The following FAM228B variants were observed in gnomAD, a reference collection of about 807,000 sequenced individuals.
FAM228B encodes the protein family with sequence similarity 228 member B.
FAM228B carries 38 observed loss-of-function variants against 42.6 expected under a neutral mutation model. That is an observed-to-expected ratio of 0.89 (90% CI 0.69 to 1.17). FAM228B has a LOEUF of 1.17. Ranked by LOEUF, FAM228B falls within the 50% of genes most tolerant of loss-of-function variation. The probability of loss-of-function intolerance (pLI) is 0.00; values close to 1 mark genes in which losing one functional copy is unlikely to be tolerated. For synonymous variants in FAM228B, 109 were observed against 122.3 expected, an observed-to-expected ratio of 0.89 and a Z score of 0.72; for missense variants, 344 against 367.3, an observed-to-expected ratio of 0.94 and a Z score of 0.52.
intron 4 of FAM228B, among the ~76,000 whole-genome samples, chr2:24,138,334 GTTATTA>G (rs1395256889): frequency 6.6e-6 from 1 of 151,904 alleles, no homozygotes; most frequent in African/African-American, 2.4e-5. Context: ...TCCCCATGTG[GTTATTA>G]TTATTATTAT....
intron 2 of FAM228B, among the ~76,000 whole-genome samples, chr2:24,088,144 C>G (rs903475848): frequency 4.0e-5 from 6 of 151,366 alleles, no homozygotes; most frequent in African/African-American, 1.5e-4. Flanking sequence ...TCCAAAAGTG[C>G]TGGGATTAGA....
In FAM228B at chr2:24,164,257, C is replaced by A. The variant is rs1213315866; in HGVS notation, c.854C>A (p.Pro285Gln). The part of the protein sequence containing the change: ...EPLCYQEGNN[P>Q]SAKEAISEGY... ...CTGTGCTATCAGGAGGGAAATAATC[C>A]AAGTGCCAAAGAGGCCATCTCTGAA... Residue 285 changes from proline to glutamine, a missense_variant, in exon 9 of 11, where the codon CCA (proline) becomes CAA (glutamine). Transcript: ENST00000615575. The A allele has an allele frequency of 1.3e-6, 2 of 1,551,312 alleles. No individual in the cohort carries two copies. Among genetic ancestry groups the A allele is most frequent in the East Asian group, 2.4e-5 (1 of 40,908 alleles).
rs938069115 is a variant in FAM228B at position 24,158,991 on chromosome 2, A to C, written c.687-2515A>C. Among the ~76,000 whole-genome samples, 14 of 152,248 alleles carry C rather than the reference A, an allele frequency of 9.2e-5. 1 individual carries two copies. The highest frequency in any genetic ancestry group is 8.5e-4 in the Admixed American group (13 of 15,298). ...TTCCTAGCTACTGATGGTTGAAGCA[A>C]TCCAGCAATCCTTGGTGTTCCTCGG... On this transcript the variant is annotated intron_variant, in intron 7 of 10. Transcript: ENST00000615575.
intron 7 of FAM228B, among the ~76,000 whole-genome samples, chr2:24,151,992 C>T (rs1218148363): frequency 1.3e-5 from 2 of 152,134 alleles, no homozygotes; most frequent in African/African-American, 2.4e-5. Context: ...CCTCAGCCTC[C>T]CGAGTAGCTG....
At chr2:24,157,095 A>G (rs1667166348) in intron 7 of FAM228B, among the ~76,000 whole-genome samples, 1 of 152,222 alleles carries the variant, frequency 6.6e-6, no homozygotes, top group East Asian at 1.9e-4. Flanking sequence ...ATGATTACTC[A>G]GGAGCAGGCT....
At chr2:24,147,551 C>T (rs948554426) in intron 7 of FAM228B, among the ~76,000 whole-genome samples, 2 of 152,074 alleles carry the variant, frequency 1.3e-5, no homozygotes, top group Admixed American at 1.3e-4. Context: ...CTCACAGTGC[C>T]ATAGCTCTTA....
chr2:24,084,566 A>T lies in FAM228B; in HGVS notation c.-210+3611A>T, dbSNP rs1573725038. On this transcript the variant is annotated intron_variant, in intron 2 of 10. Coordinates refer to the FAM228B transcript ENST00000613899. This position sits in a 1 kb window ranked among gnomAD's most constrained non-coding sequence, Gnocchi z 8.4. ...GAAGTCCTCGGCCGCCTCCAGACCG[A>T]TCCCACCCGGAACACAGATGGGAAC... is the stretch of plus-strand genomic sequence containing the variant. 10 of 473,794 alleles carry T rather than the reference A, an allele frequency of 2.1e-5. No homozygotes were observed. In the South Asian group the frequency reaches 3.7e-4, roughly 17 times the overall value. 29.3% of individuals were successfully genotyped at this position (473,794 alleles called of 1,614,324 possible).
chr2:24,135,856 G>A (rs1455618129), intron 3 of FAM228B, among the ~76,000 whole-genome samples: 1 of 151,398 alleles, frequency 6.6e-6, no homozygotes, highest in Non-Finnish European at 1.5e-5. Flanking sequence ...GAATGAATTA[G>A]TTTGTAGCCT....
intron 3 of FAM228B, among the ~76,000 whole-genome samples, chr2:24,099,023 G>A (rs2150995217): frequency 6.6e-6 from 1 of 152,270 alleles, no homozygotes; most frequent in East Asian, 1.9e-4. Context: ...GAGAACCAAT[G>A]ACAAAAACCA....
intron 3 of FAM228B, among the ~76,000 whole-genome samples, chr2:24,117,900 C>T (rs1013708380): frequency 5.3e-5 from 8 of 152,214 alleles, no homozygotes; most frequent in African/African-American, 1.9e-4. Flanking sequence ...CCTGATCATA[C>T]GACCATTTCC....
Position 24,084,171 on chromosome 2 carries a change from C to A in FAM228B, c.-210+3216C>A, listed in dbSNP as rs1314475395. The A allele has an allele frequency of 6.2e-7, 1 of 1,600,556 alleles. No homozygotes were observed. The highest frequency in any genetic ancestry group is 8.5e-7 in the Non-Finnish European group (1 of 1,174,656). ...CTCTGGAGTCCCGCCCGCCCCGGCG[C>A]GGCTGAGCCCTGGGTACCTGCATTA... On this transcript the variant is annotated intron_variant, in intron 2 of 10. Transcript: ENST00000613899. The surrounding 1 kb of genome is among the most constrained non-coding windows in gnomAD (Gnocchi z 8.4).
intron 2 of FAM228B, among the ~76,000 whole-genome samples, chr2:24,126,448 G>T (rs541450762): frequency 3.2e-4 from 49 of 152,246 alleles, no homozygotes; most frequent in African/African-American, 1.2e-3. Flanking sequence ...CTGATTATGA[G>T]CATCTTTTCA....
chr2:24,101,623 TGC>T (rs1285176796), intron 3 of FAM228B, among the ~76,000 whole-genome samples: 1 of 152,172 alleles, frequency 6.6e-6, no homozygotes, highest in Non-Finnish European at 1.5e-5. Context: ...TATTACTTAT[TGC>T]TAGAATTGGA....
Position 24,169,286 on chromosome 2 carries a change from C to A in FAM228B, c.*15-70C>A. 2.3e-6 allele frequency: 1 copy of A among 426,310 alleles called. No individual in the cohort carries two copies. The highest frequency in any genetic ancestry group is 5.2e-6 in the Non-Finnish European group (1 of 192,904). 26.4% of individuals were successfully genotyped at this position (426,310 alleles called of 1,614,324 possible). On this transcript the variant is annotated intron_variant, in intron 10 of 10. Transcript: ENST00000615575. The surrounding 1 kb of genome is among the most constrained non-coding windows in gnomAD (Gnocchi z 4.2). ...GGATCAGCTCAGCTTAGCTGGGGAA[C>A]GCTTTCTGCTCTCGTAAGCCCCTCA...
chr2:24,113,971 T>A (rs7594869), intron 3 of FAM228B, among the ~76,000 whole-genome samples: 151,155 of 152,332 alleles, frequency 0.99, 74,998 homozygotes, highest in East Asian at 1. Context: ...AATCAAAAAC[T>A]AAAACAAAAA....
At chr2:24,119,005 C>T (rs1666013129), upstream of FAM228B, among the ~76,000 whole-genome samples, 1 of 152,190 alleles carries the variant, frequency 6.6e-6, no homozygotes, top group Non-Finnish European at 1.5e-5. Context: ...AATACCCAAG[C>T]TAGTTCTCTA....
chr2:24,132,760 G>A lies in FAM228B; in HGVS notation c.100-2359G>A, dbSNP rs552687328. 2.0e-5 allele frequency among the ~76,000 whole-genome samples: 3 copies of A among 152,096 alleles called. No homozygotes were observed. In the South Asian group the frequency reaches 6.2e-4, roughly 32 times the overall value. On this transcript the variant is annotated intron_variant, in intron 2 of 10. Coordinates refer to ENST00000615575, the MANE Select transcript of FAM228B (RefSeq NM_001145710.2). ...ATGAATGATACATTGTGGAGGGTCT[G>A]GATTCTGTTATATTCCTCTGAAGAA...
chr2:24,128,972 A>T (rs1666381674), intron 2 of FAM228B, among the ~76,000 whole-genome samples: 1 of 151,448 alleles, frequency 6.6e-6, no homozygotes, highest in Non-Finnish European at 1.5e-5. Flanking sequence ...CACTCCTGGG[A>T]CTGTGTGACC....
intron 3 of FAM228B, among the ~76,000 whole-genome samples, chr2:24,136,034 C>T (rs1573767038): frequency 1.5e-5 from 1 of 65,504 alleles, no homozygotes; most frequent in Non-Finnish European, 3.0e-5. Flanking sequence ...GCCATCCCTT[C>T]TCTTCCTGGA....
Sources: gnomAD v4.1 joint callset for allele counts (sites outside exome capture counted in the v4.1 genomes callset) on GRCh38, gnomAD v4.1.1 for gene constraint, Gnocchi (gnomAD v3.1) non-coding constraint, MANE v1.5 for transcripts, NCBI Gene and HGNC (gene_info 2026-07-23, HGNC 2026-07-21) for gene names.